Variants in CDH13 observed in about 807,000 individuals in gnomAD.
The protein encoded by CDH13 is cadherin 13, also known as cadherin-13.
CDH13 carries 24 observed loss-of-function variants against 63.8 expected under a neutral mutation model. The ratio of observed to expected loss-of-function variants is 0.38; its 90% CI spans 0.27 to 0.53. The LOEUF is 0.53. Ranked by LOEUF, CDH13 falls within the 20% of genes least tolerant of loss-of-function variation. The pLI is 0.85. For missense variants in CDH13, 1,049 were observed against 903.1 expected (o/e 1.16, Z -2.07); for synonymous variants, 503 against 355.3 (o/e 1.42, Z -4.67).
chr16:83,005,185 C>A (rs770756497), intron 2 of CDH13, among the ~76,000 whole-genome samples: 3 of 152,202 alleles, frequency 2.0e-5, no homozygotes, highest in Non-Finnish European at 4.4e-5. Flanking sequence ...GACACAATTT[C>A]TGCCAGGGCT....
chr16:83,599,875 C>G (rs1382542298), intron 7 of CDH13, among the ~76,000 whole-genome samples: 1 of 152,098 alleles, frequency 6.6e-6, no homozygotes, highest in African/African-American at 2.4e-5. Flanking sequence ...CCTGTGCTGT[C>G]CAGGGTAGTG....
chr16:82,899,593 A>G (rs1410108650), intron 2 of CDH13, among the ~76,000 whole-genome samples: 1 of 152,090 alleles, frequency 6.6e-6, no homozygotes, highest in Non-Finnish European at 1.5e-5. Flanking sequence ...TGGCACGTGT[A>G]GGTGCCTGTG....
At chr16:83,334,578 A>T (rs1020506924) in intron 5 of CDH13, among the ~76,000 whole-genome samples, 2 of 151,032 alleles carry the variant, frequency 1.3e-5, no homozygotes, top group Non-Finnish European at 2.9e-5. Flanking sequence ...GTCTCTCTAC[A>T]TTGCTCAGGC....
intron 8 of CDH13, among the ~76,000 whole-genome samples, chr16:83,626,875 G>A (rs1007959254): frequency 1.3e-5 from 2 of 152,074 alleles, no homozygotes; most frequent in African/African-American, 2.4e-5. Context: ...CCGTGATGCC[G>A]CTGCGCCTGT....
At chr16:82,916,155 T>A (rs368376364) in intron 2 of CDH13, among the ~76,000 whole-genome samples, 1 of 152,190 alleles carries the variant, frequency 6.6e-6, no homozygotes, top group Admixed American at 6.5e-5. Flanking sequence ...AAGCGTTTAT[T>A]TGTCACTTTC....
chr16:83,592,991 T>G (rs776494184), intron 7 of CDH13, among the ~76,000 whole-genome samples: 13 of 152,196 alleles, frequency 8.5e-5, no homozygotes, highest in Non-Finnish European at 1.9e-4. Context: ...GCTGGATTTA[T>G]GGACTACCTA....
chr16:83,499,578 T>A (rs755000202), intron 7 of CDH13, among the ~76,000 whole-genome samples: 1 of 152,256 alleles, frequency 6.6e-6, no homozygotes, highest in Non-Finnish European at 1.5e-5. Context: ...AATTCCCTTA[T>A]CATAATATGG....
chr16:83,601,497 A>C (rs961844871), intron 7 of CDH13, among the ~76,000 whole-genome samples: 7 of 152,222 alleles, frequency 4.6e-5, no homozygotes, highest in African/African-American at 1.7e-4. Flanking sequence ...CGTCTTCCAC[A>C]TGTGACAGCC....
chr16:83,593,729 A>G (rs12325339), intron 7 of CDH13, among the ~76,000 whole-genome samples: 1 of 151,874 alleles, frequency 6.6e-6, no homozygotes, highest in African/African-American at 2.4e-5. Context: ...TTACATAGCT[A>G]TGATGTCCCA....
chr16:82,746,284 G>GTGTTTATATATAAACACACTGTATT (rs2034170690), intron 1 of CDH13, among the ~76,000 whole-genome samples: 1 of 107,624 alleles, frequency 9.3e-6, no homozygotes, highest in African/African-American at 3.1e-5. Flanking sequence ...CACACTGTAT[G>GTGTTTATATATAAACACACTGTATT]TATGATGCAT....
intron 3 of CDH13, among the ~76,000 whole-genome samples, chr16:83,064,618 A>G (rs931323595): frequency 1.3e-5 from 2 of 152,220 alleles, no homozygotes; most frequent in African/African-American, 2.4e-5. Context: ...CTTTTTCCAT[A>G]CTAAGTTTTA....
At chr16:83,263,648 C>G (rs1439711475) in intron 5 of CDH13, among the ~76,000 whole-genome samples, 6 of 152,202 alleles carry the variant, frequency 3.9e-5, no homozygotes, top group Non-Finnish European at 7.3e-5. Context: ...AAAACCATTA[C>G]CACTGCTTCT....
chr16:83,217,280 GT>G, intron 4 of CDH13, 64 bp from the exon 5 acceptor site: 1 of 1,543,726 alleles, frequency 6.5e-7, no homozygotes, highest in Non-Finnish European at 8.9e-7. Context: ...ATGGGAGTAT[GT>G]TTGCAATGTG....
chr16:83,580,532 C>T (rs1165740841), intron 7 of CDH13, among the ~76,000 whole-genome samples: 2 of 137,772 alleles, frequency 1.5e-5, no homozygotes, highest in Non-Finnish European at 3.1e-5. Context: ...TCTCCATCTG[C>T]CACCCAGGCT....
intron 2 of CDH13, among the ~76,000 whole-genome samples, chr16:82,921,655 G>T (rs2216734): frequency 0.38 from 57,612 of 151,840 alleles, 11,980 homozygotes; most frequent in Non-Finnish European, 0.47. Flanking sequence ...TTGCAAATAT[G>T]TTGTCGAGGA....
At chr16:83,712,518 C>A (rs1038679351) in intron 10 of CDH13, among the ~76,000 whole-genome samples, 4 of 152,216 alleles carry the variant, frequency 2.6e-5, no homozygotes, top group African/African-American at 9.7e-5. Flanking sequence ...ATCATCAGGG[C>A]ATGCTCTGCG....
chr16:82,853,548 C>G (rs928675740), intron 1 of CDH13, among the ~76,000 whole-genome samples: 8 of 152,164 alleles, frequency 5.3e-5, no homozygotes, highest in Non-Finnish European at 1.0e-4. Flanking sequence ...AAAACTGAGA[C>G]ACAGAAGGTT....
At chr16:83,050,148 C>A (rs886855113) in intron 3 of CDH13, among the ~76,000 whole-genome samples, 1 of 152,076 alleles carries the variant, frequency 6.6e-6, no homozygotes, top group Non-Finnish European at 1.5e-5. Flanking sequence ...TTAAAAAAAA[C>A]CCTGCTTATT....
chr16:83,003,125 CTTATGTAAATAT>C (rs1369982895), intron 2 of CDH13, among the ~76,000 whole-genome samples: 3 of 152,140 alleles, frequency 2.0e-5, no homozygotes, highest in Non-Finnish European at 4.4e-5. Flanking sequence ...ACTGGAATGA[CTTATGTAAATAT>C]TTATCTCATT....
Sources: gnomAD v4.1 joint callset for allele counts (sites outside exome capture counted in the v4.1 genomes callset) on GRCh38, gnomAD v4.1.1 for gene constraint, MANE v1.5 for transcripts, NCBI Gene and HGNC (gene_info 2026-07-23, HGNC 2026-07-21) for gene names.